The following IL4R variants were observed in gnomAD, a reference collection of about 807,000 sequenced individuals.
IL4R encodes the protein interleukin-4 receptor subunit alpha.
In IL4R, 17 loss-of-function variants were observed where a neutral mutation model predicts 41.5. The ratio of observed to expected loss-of-function variants is 0.41; its 90% CI spans 0.28 to 0.61. The LOEUF is 0.61. Among genes scored for constraint, IL4R ranks in the 20% least tolerant of loss-of-function variants. The probability of loss-of-function intolerance (pLI) is 0.31; values close to 1 mark genes in which losing one functional copy is unlikely to be tolerated. For missense variants in IL4R, 974 were observed against 1,043.1 expected, an observed-to-expected ratio of 0.93 and a Z score of 0.91; for synonymous variants, 402 against 422.9, an observed-to-expected ratio of 0.95 and a Z score of 0.61.
chr16:27,342,024 T>C, intron 3 of IL4R, 97 bp from the exon 4 acceptor site: 6 of 1,406,096 alleles, frequency 4.3e-6, no homozygotes. Context: ...TTGCCTGCAC[T>C]GTGCTTTTGT....
In IL4R at chr16:27,363,340, G is replaced by A. The variant is rs771768823; in HGVS notation, c.1988G>A (p.Arg663His). ...FTFGLDREPP[R>H]SPQSSHLPSS... ...TTTGGACTGGACAGGGAGCCACCTC[G>A]CAGTCCGCAGAGCTCACATCTCCCA... The change falls in exon 11 of 11, where the codon CGC (arginine) becomes CAC (histidine). Residue 663 changes from arginine to histidine, a missense_variant. Physicochemically the swap from Arg to His is conservative, Grantham distance 29. This residue lies in a region of IL4R where 682 missense variants were observed against 704.3 expected (regional missense o/e 0.97). Coordinates refer to ENST00000395762, the MANE Select transcript of IL4R (RefSeq NM_000418.4). The A allele has an allele frequency of 5.7e-5, 92 of 1,613,634 alleles. No homozygotes were observed. Among genetic ancestry groups the A allele is most frequent in the South Asian group, 7.7e-5 (7 of 91,020 alleles).
In IL4R at chr16:27,355,813, A is replaced by G; in HGVS notation, c.676A>G (p.Arg226Gly). The G allele has an allele frequency of 6.2e-7, 1 of 1,612,350 alleles. No individual in the cohort carries two copies. Among genetic ancestry groups the G allele is most frequent in the Non-Finnish European group, 8.5e-7 (1 of 1,179,028 alleles). The change falls in exon 8 of 11, where the codon AGG becomes GGG. Residue 226 changes from arginine (R) to glycine (G), a missense_variant. Arg to Gly is a moderately radical substitution (Grantham distance 125). Coordinates refer to ENST00000395762, the MANE Select transcript of IL4R (RefSeq NM_000418.4). ...SPSTKWHNSY[R>G]EPFEQHLLLG... ...GCTTCCCCTCCCACTTCCAGCCTAC[A>G]GGGAGCCCTTCGAGCAGCACCTCCT...
intron 2 of IL4R, among the ~76,000 whole-genome samples, chr16:27,338,986 C>A (rs1032375532): frequency 1.3e-5 from 2 of 152,006 alleles, no homozygotes; most frequent in African/African-American, 4.8e-5. Context: ...TCCAGAGTAG[C>A]TGGAATTACA....
chr16:27,335,431 G>A (rs145471481), intron 2 of IL4R, among the ~76,000 whole-genome samples: 1 of 151,926 alleles, frequency 6.6e-6, no homozygotes, highest in Non-Finnish European at 1.5e-5. Flanking sequence ...GCGGTGGTGC[G>A]ATCATAGCTC....
chr16:27,325,573 CA>C (rs113055103), intron 1 of IL4R, among the ~76,000 whole-genome samples: 8,624 of 122,260 alleles, frequency 0.071, 276 homozygotes, highest in African/African-American at 0.1. Flanking sequence ...GACTCTGTCT[CA>C]AAAAAAAAAA....
chr16:27,328,248 ATT>A (rs760692869), intron 1 of IL4R, among the ~76,000 whole-genome samples: 2 of 138,850 alleles, frequency 1.4e-5, no homozygotes, highest in Non-Finnish European at 1.6e-5. Context: ...TTATTGCTGA[ATT>A]TTTTTTTTTT....
chr16:27,355,990 C>G, intron 8 of IL4R, 83 bp downstream of exon 8: 1 of 823,820 alleles, frequency 1.2e-6, no homozygotes, highest in Non-Finnish European at 2.1e-6. Flanking sequence ...TGCCCCTTTG[C>G]AGTCCTCTCA....
intron 2 of IL4R, among the ~76,000 whole-genome samples, chr16:27,334,841 G>A (rs1159235892): frequency 1.3e-5 from 2 of 152,086 alleles, no homozygotes; most frequent in Admixed American, 6.6e-5. Context: ...GCCTCATGCT[G>A]AGCCAGTTAG....
intron 1 of IL4R, chr16:27,318,880 C>T (rs1469492946): frequency 6.6e-6 from 1 of 152,074 alleles, no homozygotes; most frequent in African/African-American, 2.4e-5. Flanking sequence ...GCCTGCAAAG[C>T]AAAGTTGAAC....
At chr16:27,324,210 A>G (rs890888497) in intron 1 of IL4R, among the ~76,000 whole-genome samples, 2 of 152,218 alleles carry the variant, frequency 1.3e-5, no homozygotes, top group Non-Finnish European at 2.9e-5. Context: ...CCAAGAGGCC[A>G]TTGTCCGCTG....
intron 1 of IL4R, among the ~76,000 whole-genome samples, chr16:27,318,206 T>A (rs536480970): frequency 6.6e-6 from 1 of 152,348 alleles, no homozygotes; most frequent in Admixed American, 6.5e-5. Context: ...ATTAGTGCAA[T>A]TGATCTTTGG....
intron 2 of IL4R, among the ~76,000 whole-genome samples, chr16:27,330,853 A>C (rs1408958918): frequency 6.6e-6 from 1 of 152,020 alleles, no homozygotes; most frequent in African/African-American, 2.4e-5. Flanking sequence ...ATTTTATTCT[A>C]AGTCAGAGAT....
intron 4 of IL4R, 79 bp from the exon 5 acceptor site, chr16:27,344,790 T>C (rs895316248): frequency 1.4e-6 from 2 of 1,409,070 alleles, no homozygotes; most frequent in Non-Finnish European, 2.0e-6. Flanking sequence ...ATGCGGTTCC[T>C]GGAGGCATGT....
At chr16:27,314,533 A>T (rs2141036823) in intron 1 of IL4R, among the ~76,000 whole-genome samples, 1 of 152,342 alleles carries the variant, frequency 6.6e-6, no homozygotes, top group Admixed American at 6.5e-5. Flanking sequence ...TTTTACTGAA[A>T]GGATGCCAAG....
chr16:27,341,220 G>C, intron 3 of IL4R: 1 of 685,924 alleles, frequency 1.5e-6, no homozygotes, highest in Non-Finnish European at 2.7e-6. Flanking sequence ...CAGAGAAAGA[G>C]AAGTGGCCAG....
chr16:27,341,946 C>T (rs891102170), intron 3 of IL4R, 175 bp from the exon 4 acceptor site: 11 of 625,864 alleles, frequency 1.8e-5, no homozygotes, highest in East Asian at 5.6e-5. Context: ...ACAGTCATCC[C>T]GACACTAGCT....
In IL4R at chr16:27,364,021, TG is replaced by T; in HGVS notation, c.*194del. On this transcript the variant is annotated 3_prime_UTR_variant, in exon 11 of 11. Transcript: ENST00000395762. ...GCAGAGACTGGACCCCGCCCAGCAT[TG>T]GGCTGGGCTCGCCACATCCCATGAG... The T allele has an allele frequency of 1.5e-6, 1 of 647,104 alleles. No homozygotes were observed. Among genetic ancestry groups the T allele is most frequent in the Non-Finnish European group, 2.6e-6 (1 of 381,914 alleles). The allele number at this position is 647,104 out of a possible 1,614,324, so 40.1% of individuals were successfully genotyped here.
chr16:27,316,075 C>T (rs1253421208), intron 1 of IL4R, among the ~76,000 whole-genome samples: 1 of 152,134 alleles, frequency 6.6e-6, no homozygotes, highest in African/African-American at 2.4e-5. Flanking sequence ...AATGAATTGT[C>T]AAAGAAGTGA....
At chr16:27,360,664 T>C in intron 9 of IL4R, 102 bp from the exon 10 acceptor site, 1 of 1,382,098 alleles carries the variant, frequency 7.2e-7, no homozygotes, top group South Asian at 1.2e-5. Context: ...GGACTTCTGA[T>C]CTGTGTGATG....
Sources: allele counts gnomAD v4.1 joint callset (sites outside exome capture counted in the v4.1 genomes callset), GRCh38; gene constraint gnomAD v4.1.1; regional missense constraint gnomAD v4.1.1; transcripts MANE v1.5; gene names NCBI Gene and HGNC (gene_info 2026-07-23, HGNC 2026-07-21).